Variants in USP13 observed in about 807,000 individuals in gnomAD.
The protein encoded by USP13 is ubiquitin carboxyl-terminal hydrolase 13.
USP13 carries 68 observed loss-of-function variants against 107.8 expected under a neutral mutation model. The observed-to-expected ratio is 0.63, with a 90% confidence interval of 0.52 to 0.77. The LOEUF (loss-of-function observed/expected upper bound fraction) is 0.77. USP13 is among the 30% of genes least tolerant of loss of function. The probability of loss-of-function intolerance (pLI) is 0.00; values close to 1 mark genes in which losing one functional copy is unlikely to be tolerated. For synonymous variants in USP13, 377 were observed against 389.5 expected, an observed-to-expected ratio of 0.97 and a Z score of 0.38; for missense variants, 945 against 1,093.3, an observed-to-expected ratio of 0.86 and a Z score of 1.91.
At position 179,653,553 on chromosome 3, in the gene USP13, C is replaced by G. The variant is rs1720155260; in HGVS notation, c.168+160C>G. 6 of 1,016,292 alleles carry G rather than the reference C, an allele frequency of 5.9e-6. No homozygotes were observed. In the African/African-American group the frequency reaches 6.6e-5, roughly 11 times the overall value. The allele number at this position is 1,016,292 out of a possible 1,614,324, so 63.0% of individuals were successfully genotyped here. Reference sequence around the variant, plus strand: ...GTTCGGCAGACACTTAGTGAGCGCCCCAGGGCTGCTGCAGCCGAGGACTGG... The same window carrying G: ...GTTCGGCAGACACTTAGTGAGCGCCGCAGGGCTGCTGCAGCCGAGGACTGG... On this transcript the variant is annotated intron_variant, in intron 1 of 20. Transcript: ENST00000263966. This position sits in a 1 kb window ranked among gnomAD's most constrained non-coding sequence, Gnocchi z 4.0.
chr3:179,716,624 A>G (rs1470901231), intron 6 of USP13, among the ~76,000 whole-genome samples: 1 of 152,228 alleles, frequency 6.6e-6, no homozygotes, highest in African/African-American at 2.4e-5. Flanking sequence ...GTCCAATAGC[A>G]TCGTTTTAAT....
At chr3:179,663,482 G>A (rs1199349538) in intron 1 of USP13, among the ~76,000 whole-genome samples, 1 of 152,180 alleles carries the variant, frequency 6.6e-6, no homozygotes, top group Non-Finnish European at 1.5e-5. Flanking sequence ...TATCCCATCA[G>A]TCACCAAATT....
rs1265402045 is a variant in USP13, at chr3:179,765,742, G to GCAC, written c.2307_2308insCAC (p.Glu769_Phe770insHis). On this transcript the variant is annotated inframe_insertion, in exon 19 of 21. Transcript: ENST00000263966. ...TGGATTGGATCTTTAGCCACCCTGA[G>GCAC]TTTGAAGAAGACAGTGATTTTGTGA... 2.1e-5 allele frequency: 34 copies of GCAC among 1,614,074 alleles called. No homozygotes were observed. Among genetic ancestry groups the GCAC allele is most frequent in the Non-Finnish European group, 2.8e-5 (33 of 1,180,028 alleles).
chr3:179,675,990 G>A (rs994500074), intron 1 of USP13, among the ~76,000 whole-genome samples: 3 of 152,136 alleles, frequency 2.0e-5, no homozygotes, highest in East Asian at 3.8e-4. Context: ...CCCACATGTC[G>A]TAGGAGGGAC....
In USP13 at chr3:179,784,218, T is replaced by C. The variant is rs75011052; in HGVS notation, c.*77T>C. 16,654 of 1,149,310 alleles carry C rather than the reference T, an allele frequency of 0.014. 389 individuals are homozygous for C. The highest frequency in any genetic ancestry group is 0.1 in the Middle Eastern group (465 of 4,614). The allele number at this position is 1,149,310 out of a possible 1,614,324, so 71.2% of individuals were successfully genotyped here. ...CAAAAAAAAAAAGAAGAAGAAGAAG[T>C]TGAAACAACTAGACATGAAGGAATA... On this transcript the variant is annotated 3_prime_UTR_variant, in exon 21 of 21. Transcript: ENST00000263966.
At position 179,759,734 on chromosome 3, in the gene USP13, C is replaced by T. The variant is rs1051082981; in HGVS notation, c.1949-1378C>T. On this transcript the variant is annotated intron_variant, in intron 16 of 20. Transcript: ENST00000263966. ...CTGTCACCAGGTTGGAGTGCCGTGG[C>T]GCGATCTCAGCCCACTGCAACCTCT... 1.1e-4 allele frequency among the ~76,000 whole-genome samples: 16 copies of T among 152,126 alleles called. 1 individual carries two copies. In the South Asian group the frequency reaches 2.3e-3, roughly 22 times the overall value.
intron 1 of USP13, among the ~76,000 whole-genome samples, chr3:179,658,511 G>A (rs1051846713): frequency 6.6e-6 from 1 of 152,194 alleles, no homozygotes; most frequent in South Asian, 2.1e-4. Flanking sequence ...AAACGGGGAG[G>A]CTTAGACAAG....
intron 17 of USP13, 112 bp from the exon 18 acceptor site, chr3:179,763,890 C>A: frequency 7.3e-7 from 1 of 1,367,594 alleles, no homozygotes; most frequent in Non-Finnish European, 9.6e-7. Context: ...CTGGCCCAGA[C>A]TGTCTTGATT....
At chr3:179,714,541 A>G (rs113983992) in intron 6 of USP13, among the ~76,000 whole-genome samples, 2,069 of 152,288 alleles carry the variant, frequency 0.014, 23 homozygotes, top group Middle Eastern at 0.037. Context: ...GGGCACTGTT[A>G]TATCTCTAGC....
At chr3:179,669,230 G>A (rs1720673715) in intron 1 of USP13, among the ~76,000 whole-genome samples, 1 of 152,202 alleles carries the variant, frequency 6.6e-6, no homozygotes, top group Non-Finnish European at 1.5e-5. Context: ...GGAGGCCAAG[G>A]CAAGCAGATC....
chr3:179,770,023 C>T (rs6808048), intron 19 of USP13, among the ~76,000 whole-genome samples: 60,886 of 152,094 alleles, frequency 0.4, 13,902 homozygotes, highest in East Asian at 0.67. Flanking sequence ...GGTGACTTTC[C>T]GGTTTCCCCA....
chr3:179,724,015 C>A (rs1248237125), intron 8 of USP13, among the ~76,000 whole-genome samples: 1 of 151,668 alleles, frequency 6.6e-6, no homozygotes, highest in Non-Finnish European at 1.5e-5. Flanking sequence ...AAAAAAATAG[C>A]CGGGCGTGGT....
intron 19 of USP13, among the ~76,000 whole-genome samples, chr3:179,769,301 A>C (rs1715275118): frequency 1.3e-5 from 2 of 152,216 alleles, no homozygotes; most frequent in Non-Finnish European, 2.9e-5. Flanking sequence ...TATATACCTA[A>C]TTCTAGGTTA....
At chr3:179,719,050 G>A (rs1713211392) in intron 6 of USP13, among the ~76,000 whole-genome samples, 1 of 152,182 alleles carries the variant, frequency 6.6e-6, no homozygotes, top group African/African-American at 2.4e-5. Context: ...GCTCCCAGGT[G>A]AAGCTACTGC....
intron 11 of USP13, among the ~76,000 whole-genome samples, chr3:179,740,975 C>G (rs1273147287): frequency 2.0e-5 from 3 of 151,964 alleles, no homozygotes; most frequent in Non-Finnish European, 4.4e-5. Flanking sequence ...CCATGTTGGT[C>G]AGGCTGGTTT....
intron 3 of USP13, among the ~76,000 whole-genome samples, chr3:179,700,453 C>T (rs1241858900): frequency 6.6e-6 from 1 of 152,162 alleles, no homozygotes; most frequent in Non-Finnish European, 1.5e-5. Context: ...CTATTATCTT[C>T]ATGCTATAAA....
chr3:179,757,233 T>A (rs1344359909), intron 16 of USP13, 155 bp downstream of exon 16: 2 of 777,860 alleles, frequency 2.6e-6, no homozygotes, highest in Non-Finnish European at 4.2e-6. Context: ...GTCAGTGACA[T>A]GCTGATCAGG....
intron 2 of USP13, among the ~76,000 whole-genome samples, chr3:179,689,317 G>A (rs9852921): frequency 0.031 from 4,725 of 152,176 alleles, 253 homozygotes; most frequent in African/African-American, 0.11. Context: ...ACCACTCGAT[G>A]GGCATTTTAT....
chr3:179,765,276 TC>T (rs1715136701), intron 18 of USP13, among the ~76,000 whole-genome samples: 1 of 152,214 alleles, frequency 6.6e-6, no homozygotes, highest in East Asian at 1.9e-4. Flanking sequence ...CCTCTATTGT[TC>T]AGTTATCTGC....
Sources: allele counts gnomAD v4.1 joint callset (sites outside exome capture counted in the v4.1 genomes callset), GRCh38; gene constraint gnomAD v4.1.1; non-coding constraint Gnocchi (gnomAD v3.1); transcripts MANE v1.5; gene names NCBI Gene and HGNC (gene_info 2026-07-23, HGNC 2026-07-21).